TYRO3: variants seen among roughly 807,000 people sequenced by gnomAD.
TYRO3 encodes tyrosine-protein kinase receptor TYRO3.
In TYRO3, 38 loss-of-function variants were observed where a neutral mutation model predicts 95.2. The observed-to-expected ratio is 0.40, with a 90% CI of 0.31 to 0.52. The LOEUF is 0.52. TYRO3 is among the 20% of genes least tolerant of loss of function. The pLI is 0.56. For synonymous variants in TYRO3, 367 were observed against 432.9 expected, an observed-to-expected ratio of 0.85 and a Z score of 1.89; for missense variants, 812 against 1,116.4, an observed-to-expected ratio of 0.73 and a Z score of 3.89.
chr15:41,571,681 C>T lies in TYRO3; in HGVS notation c.1747C>T (p.Leu583Phe). 6.2e-7 allele frequency: 1 copy of T among 1,607,196 alleles called. No homozygotes were observed. Among genetic ancestry groups the T allele is most frequent in the South Asian group, 1.1e-5 (1 of 90,790 alleles). ...KEFDHPHVAK[L>F]VGVSLRSRAK... ...GTTTGACCATCCACACGTGGCCAAA[C>T]TTGTTGGTGAGCCCATTTTTGGGGG... Residue 583 changes from leucine to phenylalanine, a missense_variant, in exon 14 of 19, where the codon CTT becomes TTT. Coordinates refer to ENST00000263798, the MANE Select transcript of TYRO3 (RefSeq NM_006293.4).
At chr15:41,575,529 G>C (rs577008229) in intron 18 of TYRO3, among the ~76,000 whole-genome samples, 16 of 152,372 alleles carry the variant, frequency 1.1e-4, no homozygotes, top group African/African-American at 3.8e-4. Flanking sequence ...GTCTGGCCAT[G>C]TACCCACGGC....
intron 6 of TYRO3, among the ~76,000 whole-genome samples, chr15:41,566,583 T>C (rs1420365887): frequency 6.6e-6 from 1 of 152,298 alleles, no homozygotes; most frequent in African/African-American, 2.4e-5. Context: ...TGACCACCTC[T>C]AAGCCCAAGG....
chr15:41,567,572 G>T (rs2055740291), intron 7 of TYRO3, 35 bp downstream of exon 7: 1 of 1,417,106 alleles, frequency 7.1e-7, no homozygotes, highest in Non-Finnish European at 9.2e-7. Context: ...GGTGGGCAGG[G>T]CTGGAGCCGG....
At chr15:41,568,012 C>T (rs576442083) in intron 7 of TYRO3, among the ~76,000 whole-genome samples, 4 of 152,116 alleles carry the variant, frequency 2.6e-5, no homozygotes, top group South Asian at 2.1e-4. Context: ...GCAACACTGC[C>T]GAGCTGGGGT....
rs148972694 is a variant in TYRO3 at position 41,561,204 on chromosome 15, G to C, written c.202G>C (p.Gly68Arg). The change falls in exon 2 of 19, where the codon GGG becomes CGG. Residue 68 changes from glycine to arginine, a missense_variant. By Grantham distance (125) the Gly-to-Arg change is moderately radical. Transcript: ENST00000263798. The stretch of plus-strand genomic sequence containing the variant: ...GGTGAAGCTCAACTGCAGTGTGGAG[G>C]GGATGGAGGAGCCTGACATCCAGTG... The part of the protein sequence containing the change: ...QPVKLNCSVE[G>R]MEEPDIQWVK... The C allele has an allele frequency of 7.3e-4, 1,171 of 1,614,192 alleles. No individual in the cohort carries two copies. The highest frequency in any genetic ancestry group is 9.1e-4 in the Non-Finnish European group (1,075 of 1,180,004).
Position 41,581,171 on chromosome 15 carries a change from C to T in TYRO3, c.*2895C>T, listed in dbSNP as rs943899914. The T allele has an allele frequency of 6.5e-5, 10 of 153,376 alleles. No individual in the cohort carries two copies. The highest frequency in any genetic ancestry group is 9.7e-5 in the African/African-American group (4 of 41,422). The allele number at this position is 153,376 out of a possible 1,614,324, so 9.5% of individuals were successfully genotyped here. A position where few individuals can be genotyped will look rare whatever the true frequency, so the allele number is the denominator to read the frequency against. On this transcript the variant is annotated 3_prime_UTR_variant, in exon 19 of 19. Coordinates refer to ENST00000263798, the MANE Select transcript of TYRO3 (RefSeq NM_006293.4). ...TGCCACTAAACTTCGGCCTGGGTGA[C>T]AGATTAAGACTGTCTCAGAAACAAA...
At position 41,564,750 on chromosome 15, in the gene TYRO3, C is replaced by T. The variant is rs2055700831; in HGVS notation, c.668-276C>T. On this transcript the variant is annotated intron_variant, in intron 5 of 18. Coordinates refer to ENST00000263798, the MANE Select transcript of TYRO3 (RefSeq NM_006293.4). ...TATCTCCCAAGCCTGAGGTGCTGCC[C>T]CCACATACCCTCTCATCTTATTCCT... The T allele has an allele frequency of 1.8e-5, 8 of 453,916 alleles. No individual in the cohort carries two copies. The South Asian group carries it at 1.9e-4, about 11-fold the overall frequency. 28.1% of individuals were successfully genotyped at this position (453,916 alleles called of 1,614,324 possible). A position where few individuals can be genotyped will look rare whatever the true frequency, so the allele number is the denominator to read the frequency against.
chr15:41,577,817 A>G lies in TYRO3; in HGVS notation c.2283-69A>G, dbSNP rs1566905070. The G allele has an allele frequency of 4.6e-6, 7 of 1,518,574 alleles. 1 individual carries two copies. In the East Asian group the frequency reaches 6.8e-5, roughly 15 times the overall value. 94.1% of individuals were successfully genotyped at this position (1,518,574 alleles called of 1,614,324 possible). A position where few individuals can be genotyped will look rare whatever the true frequency, so the allele number is the denominator to read the frequency against. On this transcript the variant is annotated intron_variant, in intron 18 of 18. Transcript: ENST00000263798. Reference sequence around the variant, plus strand: ...TAAAATTTTTTAAAACCCTAGTGCCATATGATGAAGGGGCCCCTGCTTTTG... The same window carrying G: ...TAAAATTTTTTAAAACCCTAGTGCCGTATGATGAAGGGGCCCCTGCTTTTG...
At chr15:41,575,610 C>A (rs2055850161) in intron 18 of TYRO3, among the ~76,000 whole-genome samples, 1 of 152,198 alleles carries the variant, frequency 6.6e-6, no homozygotes, top group African/African-American at 2.4e-5. Context: ...GTGGCCCCTG[C>A]TGGGGGTGTG....
chr15:41,570,661 C>T lies in TYRO3; in HGVS notation c.1541C>T (p.Pro514Leu). ...GAAAAACTGGAGGATGTGCTCATCC[C>T]AGAGCAGCAGTTCACCCTGGGCCGG... ...LKEKLEDVLI[P>L]EQQFTLGRML... Residue 514 changes from proline (P) to leucine (L), a missense_variant, in exon 12 of 19, where the codon CCA becomes CTA. Coordinates refer to ENST00000263798, the MANE Select transcript of TYRO3 (RefSeq NM_006293.4). 6.2e-7 allele frequency: 1 copy of T among 1,614,176 alleles called. No individual in the cohort carries two copies. Among genetic ancestry groups the T allele is most frequent in the Non-Finnish European group, 8.5e-7 (1 of 1,180,040 alleles).
chr15:41,578,087 C>T lies in TYRO3; in HGVS notation c.2484C>T (p.Tyr828=), dbSNP rs773076443. The part of the protein sequence containing the change: ...SLELPGRDQP[Y]SGAGDGSGMG... ...AGCTACCTGGCAGGGATCAGCCCTACAGTGGGGCTGGGGATGGCAGTGGCA... is the reference window on the plus strand; with the variant it reads ...AGCTACCTGGCAGGGATCAGCCCTATAGTGGGGCTGGGGATGGCAGTGGCA... Residue 828 remains tyrosine (Y), a synonymous_variant, in exon 19 of 19, where the codon TAC becomes TAT. Transcript: ENST00000263798. 3.1e-6 allele frequency: 5 copies of T among 1,614,084 alleles called. No individual in the cohort carries two copies. The highest frequency in any genetic ancestry group is 2.2e-5 in the East Asian group (1 of 44,876).
chr15:41,566,320 T>TAAAA (rs57924730), intron 6 of TYRO3, among the ~76,000 whole-genome samples: 50 of 40,960 alleles, frequency 1.2e-3, no homozygotes, highest in African/African-American at 5.5e-3. Context: ...CTGTCTCTAT[T>TAAAA]AAAAAAAAAA....
chr15:41,560,198 GA>G (rs1416945858), intron 1 of TYRO3, among the ~76,000 whole-genome samples: 2 of 152,174 alleles, frequency 1.3e-5, no homozygotes, highest in East Asian at 3.9e-4. Flanking sequence ...GCCTCTCAGG[GA>G]AGGGAAGGGA....
chr15:41,580,274 A>T lies in TYRO3; in HGVS notation c.*1998A>T, dbSNP rs933558404. ...GCCTGTAATCCCAGCACTTTGGGAG[A>T]CCTGGGTGTGTGGATCACGAGGTCA... On this transcript the variant is annotated 3_prime_UTR_variant, in exon 19 of 19. Transcript: ENST00000263798. The T allele has an allele frequency of 2.0e-5, 3 of 151,972 alleles. No individual in the cohort carries two copies. Among genetic ancestry groups the T allele is most frequent in the Admixed American group, 1.3e-4 (2 of 15,256 alleles). 9.4% of individuals were successfully genotyped at this position (151,972 alleles called of 1,614,324 possible).
rs750120069 is a variant in TYRO3, at chr15:41,564,268, A to G, written c.665A>G (p.Gln222Arg). 1.2e-6 allele frequency: 2 copies of G among 1,613,852 alleles called. No homozygotes were observed. Among genetic ancestry groups the G allele is most frequent in the Non-Finnish European group, 1.7e-6 (2 of 1,179,858 alleles). ...ASSRTATVHLQALPAAPFNIT... is the reference protein window; with the variant it reads ...ASSRTATVHLRALPAAPFNIT... ...TCTCGCACAGCCACTGTTCACCTTC[A>G]AGGTAGGAGGGCTGGCAGGGAGGAA... Residue 222 changes from glutamine to arginine, a missense_variant and splice_region_variant, in exon 5 of 19, where the codon CAA becomes CGA. Coordinates refer to ENST00000263798, the MANE Select transcript of TYRO3 (RefSeq NM_006293.4).
Position 41,573,687 on chromosome 15 carries a change from C to T in TYRO3, c.2154C>T (p.Phe718=), listed in dbSNP as rs773056620. Residue 718 remains phenylalanine (F), a synonymous_variant, in exon 18 of 19, where the codon TTC becomes TTT. Transcript: ENST00000263798. Reference sequence around the variant, plus strand: ...CCTCGATTCTGTCCCAGTGGGCGTTCGGGGTGACCATGTGGGAGATCATGA... The same window carrying T: ...CCTCGATTCTGTCCCAGTGGGCGTTTGGGGTGACCATGTGGGAGATCATGA... ...LYTVQSDVWA[F]GVTMWEIMTR... The T allele has an allele frequency of 1.2e-5, 20 of 1,614,088 alleles. No homozygotes were observed. The highest frequency in any genetic ancestry group is 6.6e-5 in the South Asian group (6 of 91,078).
rs1595503328 is a variant in TYRO3 at position 41,570,340 on chromosome 15, T to C, written c.1483T>C (p.Leu495=). ...RERPERIEAT[L]DSLGISDELK... ...AAGGCCCGAGCGCATCGAGGCCACA[T>C]GTGAGTGGTGGGTGATCGTGGGAAG... is the stretch of plus-strand genomic sequence containing the variant. Residue 495 remains leucine, a splice_region_variant and synonymous_variant, in exon 11 of 19, where the codon TTG becomes CTG. Transcript: ENST00000263798. The C allele has an allele frequency of 1.9e-6, 3 of 1,611,496 alleles. No individual in the cohort carries two copies. Among genetic ancestry groups the C allele is most frequent in the East Asian group, 2.2e-5 (1 of 44,866 alleles).
chr15:41,559,749 C>A (rs1378951898), intron 1 of TYRO3, among the ~76,000 whole-genome samples: 3 of 152,184 alleles, frequency 2.0e-5, no homozygotes, highest in African/African-American at 7.2e-5. Flanking sequence ...ACGCGAAGGT[C>A]CGCCTCGGAA....
chr15:41,559,311 G>C lies in TYRO3; in HGVS notation c.54G>C (p.Pro18=). Residue 18 remains proline, a synonymous_variant, in exon 1 of 19, where the codon CCG becomes CCC. Coordinates refer to ENST00000263798, the MANE Select transcript of TYRO3 (RefSeq NM_006293.4). ...CGGGGCTCCCGCCGCTGCCGCTGCC[G>C]CCGCCACCGCGGCTCGGGCTGCTGC... ...GRPGLPPLPL[P]PPPRLGLLLA... 3.0e-6 allele frequency: 2 copies of C among 658,590 alleles called. 1 individual carries two copies. Among genetic ancestry groups the C allele is most frequent in the Non-Finnish European group, 4.2e-6 (2 of 470,766 alleles). The allele number at this position is 658,590 out of a possible 1,614,324, so 40.8% of individuals were successfully genotyped here.
Sources: allele counts gnomAD v4.1 joint callset (sites outside exome capture counted in the v4.1 genomes callset), GRCh38; gene constraint gnomAD v4.1.1; transcripts MANE v1.5; gene names NCBI Gene and HGNC (gene_info 2026-07-23, HGNC 2026-07-21).